The following PRKG2 variants were observed in gnomAD, a reference collection of about 807,000 sequenced individuals.
The protein encoded by PRKG2 is cGMP-dependent protein kinase 2.
PRKG2 carries 33 observed loss-of-function variants against 97.2 expected under a neutral mutation model. That is an observed-to-expected ratio of 0.34 (90% CI 0.26 to 0.45). The LOEUF (loss-of-function observed/expected upper bound fraction) is 0.45, where lower values mean the gene tolerates loss of function less well. Ranked by LOEUF, PRKG2 falls within the 20% of genes least tolerant of loss-of-function variation. The probability of loss-of-function intolerance (pLI) is 1.00; values close to 1 mark genes in which losing one functional copy is unlikely to be tolerated. For missense variants in PRKG2, 638 were observed against 900.0 expected (o/e 0.71, Z 3.73); for synonymous variants, 330 against 321.8 (o/e 1.03, Z -0.27).
chr4:81,192,901 A>C (rs967575085), intron 2 of PRKG2, among the ~76,000 whole-genome samples: 38 of 152,288 alleles, frequency 2.5e-4, no homozygotes, highest in African/African-American at 8.7e-4. Context: ...CATTTCTTGA[A>C]GCAATAAATT....
intron 17 of PRKG2, among the ~76,000 whole-genome samples, chr4:81,100,586 C>G (rs145697991): frequency 0.027 from 4,077 of 152,164 alleles, 187 homozygotes; most frequent in African/African-American, 0.093. Context: ...AAGACTTAAA[C>G]GTTAGACCTA....
chr4:81,194,476 C>CATGG (rs1203081240), intron 2 of PRKG2, among the ~76,000 whole-genome samples: 1 of 151,832 alleles, frequency 6.6e-6, no homozygotes, highest in Non-Finnish European at 1.5e-5. Context: ...GAGGTCATCC[C>CATGG]ATGGATGTCA....
At chr4:81,175,012 C>A in intron 2 of PRKG2, 53 bp from the exon 3 acceptor site, 1 of 1,458,256 alleles carries the variant, frequency 6.9e-7, no homozygotes, top group African/African-American at 1.4e-5. Context: ...TCATGTTTTA[C>A]TATTTAGATT....
chr4:81,096,938 A>G (rs1742172706), intron 17 of PRKG2, among the ~76,000 whole-genome samples: 1 of 152,176 alleles, frequency 6.6e-6, no homozygotes, highest in African/African-American at 2.4e-5. Context: ...TAAATCACAA[A>G]TGTTTATAAT....
At chr4:81,092,559 C>T in intron 17 of PRKG2, 107 bp from the exon 18 acceptor site, 1 of 718,594 alleles carries the variant, frequency 1.4e-6, no homozygotes, top group Non-Finnish European at 2.4e-6. Flanking sequence ...GGATGATAAA[C>T]TATTAGCATG....
In PRKG2 at chr4:81,140,212, A is replaced by G. The variant is rs893469096; in HGVS notation, c.1544+321T>C. 2.0e-5 allele frequency among the ~76,000 whole-genome samples: 3 copies of G among 152,204 alleles called. No individual in the cohort carries two copies. In the East Asian group the frequency reaches 5.8e-4, roughly 29 times the overall value. On this transcript the variant is annotated intron_variant, in intron 12 of 18. Transcript: ENST00000264399. The stretch of plus-strand genomic sequence containing the variant: ...GGTTAATGGGTACAAAATAAAATAG[A>G]AAGAAAGAATAAGATCTAGCAATTG...
intron 14 of PRKG2, among the ~76,000 whole-genome samples, chr4:81,119,616 T>C (rs1744877202): frequency 6.6e-6 from 1 of 152,156 alleles, no homozygotes; most frequent in Non-Finnish European, 1.5e-5. Context: ...ATATAAATTT[T>C]AGAATGAGTT....
At chr4:81,172,672 CA>C (rs1750591526) in intron 3 of PRKG2, among the ~76,000 whole-genome samples, 4 of 151,754 alleles carry the variant, frequency 2.6e-5, no homozygotes, top group Admixed American at 2.6e-4. Context: ...AAAGCATAAG[CA>C]AAAAAGATCT....
intron 11 of PRKG2, among the ~76,000 whole-genome samples, chr4:81,142,543 T>A (rs938002886): frequency 1.3e-5 from 2 of 152,188 alleles, no homozygotes; most frequent in Non-Finnish European, 2.9e-5. Flanking sequence ...ATATTGATAA[T>A]CATCGAGAAG....
At chr4:81,187,325 G>C (rs1469827968) in intron 2 of PRKG2, among the ~76,000 whole-genome samples, 1 of 152,142 alleles carries the variant, frequency 6.6e-6, no homozygotes, top group Non-Finnish European at 1.5e-5. Context: ...TTCAACATAT[G>C]CAAATCAAAA....
At chr4:81,105,073 T>G (rs958175032) in intron 16 of PRKG2, among the ~76,000 whole-genome samples, 1 of 152,174 alleles carries the variant, frequency 6.6e-6, no homozygotes, top group Non-Finnish European at 1.5e-5. Context: ...ACAAGATTAT[T>G]ATAAATAAAT....
chr4:81,215,334 C>T (rs963141313), upstream of PRKG2, among the ~76,000 whole-genome samples: 2 of 152,214 alleles, frequency 1.3e-5, no homozygotes, highest in Non-Finnish European at 2.9e-5. Context: ...GTGGGGTCAC[C>T]CGCGCCCGCA....
Position 81,176,954 on chromosome 4 carries a change from C to A in PRKG2, c.462-1995G>T, listed in dbSNP as rs536889141. On this transcript the variant is annotated intron_variant, in intron 2 of 18. Transcript: ENST00000264399. ...TTCTACAACATGGCTCCAATCTATC[C>A]ATCTAGTACTTACTCCCTAAAACAA... Among the ~76,000 whole-genome samples the A allele has an allele frequency of 2.0e-5, 3 of 152,154 alleles. No homozygotes were observed. The East Asian group carries it at 5.8e-4, about 29-fold the overall frequency.
chr4:81,104,003 C>A (rs1338986151), intron 17 of PRKG2, among the ~76,000 whole-genome samples: 3 of 152,014 alleles, frequency 2.0e-5, no homozygotes, highest in Non-Finnish European at 4.4e-5. Context: ...TGCACTCCAG[C>A]CTGGGCAACA....
At chr4:81,205,889 T>A (rs1247267082) in intron 1 of PRKG2, among the ~76,000 whole-genome samples, 1 of 152,218 alleles carries the variant, frequency 6.6e-6, no homozygotes, top group East Asian at 1.9e-4. Context: ...AGTCTCTGGA[T>A]GTGGTATGCA....
intron 10 of PRKG2, 77 bp downstream of exon 10, chr4:81,144,155 T>A: frequency 7.4e-7 from 1 of 1,352,316 alleles, no homozygotes; most frequent in Non-Finnish European, 1.1e-6. Flanking sequence ...ACACAGCAAG[T>A]CACACCCTCT....
intron 3 of PRKG2, chr4:81,173,839 C>T (rs1457995388): frequency 6.6e-6 from 1 of 151,938 alleles, no homozygotes; most frequent in Non-Finnish European, 1.5e-5. Context: ...AACTACAATG[C>T]CAATGAAGGA....
intron 14 of PRKG2, among the ~76,000 whole-genome samples, chr4:81,111,309 C>G (rs1037408473): frequency 6.6e-6 from 1 of 152,080 alleles, no homozygotes; most frequent in Non-Finnish European, 1.5e-5. Flanking sequence ...ACATTCAGCA[C>G]CCAGTCAAGG....
intron 2 of PRKG2, chr4:81,175,437 A>C (rs1375312390): frequency 6.6e-6 from 1 of 152,176 alleles, no homozygotes; most frequent in Admixed American, 6.5e-5. Context: ...TACTATTCCT[A>C]TTTTAGGAAG....
Sources: allele counts gnomAD v4.1 joint callset (sites outside exome capture counted in the v4.1 genomes callset), GRCh38; gene constraint gnomAD v4.1.1; transcripts MANE v1.5; gene names NCBI Gene and HGNC (gene_info 2026-07-23, HGNC 2026-07-21).